Variants in MAPKBP1 observed in about 807,000 individuals in gnomAD.
MAPKBP1 encodes mitogen-activated protein kinase-binding protein 1.
Under a neutral mutation model 170.5 loss-of-function variants are expected in MAPKBP1, and 71 were observed. The observed-to-expected ratio is 0.42, with a 90% CI of 0.34 to 0.51. The LOEUF is 0.51. Among genes scored for constraint, MAPKBP1 ranks in the 20% least tolerant of loss-of-function variants. The pLI, the probability that MAPKBP1 is intolerant of heterozygous loss-of-function variation, is 0.06. For missense variants in MAPKBP1, 1,598 were observed against 1,933.0 expected (o/e 0.83, Z 3.25); for synonymous variants, 719 against 757.9 (o/e 0.95, Z 0.84).
chr15:41,819,133 CT>C (rs1418327829), intron 20 of MAPKBP1, 112 bp from the exon 21 acceptor site: 5 of 1,449,272 alleles, frequency 3.5e-6, no homozygotes, highest in East Asian at 4.6e-5. Context: ...TCCTCTCCCC[CT>C]ATTGAGTCTC....
intron 3 of MAPKBP1, among the ~76,000 whole-genome samples, chr15:41,809,845 G>GAGGC (rs771601701): frequency 1.3e-5 from 2 of 152,244 alleles, no homozygotes; most frequent in Non-Finnish European, 2.9e-5. Context: ...CCTTCTCTGT[G>GAGGC]AGGCAGGCAG....
intron 2 of MAPKBP1, among the ~76,000 whole-genome samples, chr15:41,790,873 T>C (rs2064384289): frequency 6.6e-6 from 1 of 152,204 alleles, no homozygotes; most frequent in Non-Finnish European, 1.5e-5. Context: ...TTCCTCCCCA[T>C]TCCCAGGTCT....
chr15:41,813,411 C>T, intron 8 of MAPKBP1: 1 of 1,495,296 alleles, frequency 6.7e-7, no homozygotes, highest in Non-Finnish European at 9.3e-7. Context: ...TGGGCTTTTC[C>T]TACTGGATCC....
chr15:41,778,137 C>G (rs2064127878), intron 2 of MAPKBP1, among the ~76,000 whole-genome samples: 3 of 151,986 alleles, frequency 2.0e-5, no homozygotes, highest in South Asian at 4.2e-4. Context: ...TACATCACAC[C>G]GTTTAGGACA....
intron 27 of MAPKBP1, 95 bp downstream of exon 27, chr15:41,822,772 G>C (rs1207756545): frequency 2.4e-5 from 36 of 1,510,946 alleles, no homozygotes; most frequent in Non-Finnish European, 3.1e-5. Flanking sequence ...CTCTCCATGC[G>C]CGGGGTGTTT....
chr15:41,821,174 C>T, intron 23 of MAPKBP1, 106 bp downstream of exon 23: 2 of 1,082,664 alleles, frequency 1.8e-6, no homozygotes, highest in South Asian at 1.4e-5. Context: ...TGCTCTGCCC[C>T]TGTGGCACAT....
chr15:41,785,227 C>T (rs933856359), intron 2 of MAPKBP1, among the ~76,000 whole-genome samples: 1 of 152,186 alleles, frequency 6.6e-6, no homozygotes, highest in African/African-American at 2.4e-5. Context: ...CTCGCCTCTT[C>T]TGTTCCAACA....
In MAPKBP1 at chr15:41,819,547, C is replaced by CAG. The variant is rs765528665; in HGVS notation, c.2426-48_2426-47insAG. ...GGGCCAGGGCTCCAGGGTTGGGTGG[C>CAG]GGGGGGGGGGCAGGAGACACTTCCT... On this transcript the variant is annotated intron_variant, in intron 21 of 30. Transcript: ENST00000457542. 3,375 of 1,232,472 alleles carry CAG rather than the reference C, an allele frequency of 2.7e-3. 50 individuals are homozygous for CAG. Among genetic ancestry groups the CAG allele is most frequent in the East Asian group, 8.0e-3 (283 of 35,196 alleles). The allele number at this position is 1,232,472 out of a possible 1,614,324, so 76.3% of individuals were successfully genotyped here. A position where few individuals can be genotyped will look rare whatever the true frequency, so the allele number is the denominator to read the frequency against.
rs1278487201 is a variant in MAPKBP1 at position 41,817,455 on chromosome 15, G to A, written c.1779G>A (p.Gln593=). 6.4e-7 allele frequency: 1 copy of A among 1,558,068 alleles called. No homozygotes were observed. The highest frequency in any genetic ancestry group is 8.7e-7 in the Non-Finnish European group (1 of 1,143,536). Reference sequence around the variant, plus strand: ...AGAGCATCTACTTCCGCACTGCGCAGAAGGTGAGGGCGCTGGGCTTTCCTG... The same window carrying A: ...AGAGCATCTACTTCCGCACTGCGCAAAAGGTGAGGGCGCTGGGCTTTCCTG... ...ADKSIYFRTA[Q]KSGDGVQFTR... Residue 593 remains glutamine, a synonymous_variant, in exon 15 of 31, where the codon CAG becomes CAA. Coordinates refer to ENST00000457542, the MANE Select transcript of MAPKBP1 (RefSeq NM_014994.3). This position sits in a 1 kb window ranked among gnomAD's most constrained non-coding sequence, Gnocchi z 4.2.
At chr15:41,819,080 C>A in intron 20 of MAPKBP1, 123 bp downstream of exon 20, 1 of 1,490,580 alleles carries the variant, frequency 6.7e-7, no homozygotes. Context: ...CCTTACCTCT[C>A]ACACAAGGAT....
At chr15:41,781,801 G>A (rs964540043) in intron 2 of MAPKBP1, among the ~76,000 whole-genome samples, 2 of 151,986 alleles carry the variant, frequency 1.3e-5, no homozygotes, top group African/African-American at 4.8e-5. Context: ...AGTTTATTTG[G>A]TGGTTCAGGA....
At chr15:41,795,241 G>C (rs764515245) in intron 2 of MAPKBP1, among the ~76,000 whole-genome samples, 1 of 151,850 alleles carries the variant, frequency 6.6e-6, no homozygotes, top group Non-Finnish European at 1.5e-5. Context: ...TGGCAGTAAA[G>C]CTAGTCTGGA....
intron 2 of MAPKBP1, among the ~76,000 whole-genome samples, chr15:41,776,539 C>T (rs140137359): frequency 6.6e-6 from 1 of 152,320 alleles, no homozygotes; most frequent in African/African-American, 2.4e-5. Flanking sequence ...GTCTCTTATT[C>T]ATCATTGTTT....
rs557129899 is a variant in MAPKBP1, at chr15:41,798,046, C to A, written c.115-1777C>A. 1.6e-3 allele frequency among the ~76,000 whole-genome samples: 243 copies of A among 151,644 alleles called. 3 individuals carry two copies. Among genetic ancestry groups the A allele is most frequent in the African/African-American group, 5.6e-3 (232 of 41,404 alleles). ...CGGGCGGATCACGAGGTCAGGAGAT[C>A]GAGACCATCCTGGCTAACATGGTGA... On this transcript the variant is annotated intron_variant, in intron 2 of 30. Transcript: ENST00000457542.
Position 41,817,132 on chromosome 15 carries a change from T to G in MAPKBP1, c.1711+97T>G. On this transcript the variant is annotated intron_variant, in intron 14 of 30. Transcript: ENST00000457542. The surrounding 1 kb of genome is among the most constrained non-coding windows in gnomAD (Gnocchi z 4.2). Reference sequence around the variant, plus strand: ...GAAGGGTCTGCCCATTGTGGGGGAGTGTTGGACAGCAGCTGGGAGGCCTGG... The same window carrying G: ...GAAGGGTCTGCCCATTGTGGGGGAGGGTTGGACAGCAGCTGGGAGGCCTGG... The G allele has an allele frequency of 6.6e-7, 1 of 1,505,012 alleles. No individual in the cohort carries two copies. Among genetic ancestry groups the G allele is most frequent in the Non-Finnish European group, 8.9e-7 (1 of 1,123,572 alleles). 93.2% of individuals were successfully genotyped at this position (1,505,012 alleles called of 1,614,324 possible).
Position 41,826,690 on chromosome 15 carries a change from AGTTT to A in MAPKBP1, c.*1256_*1259del, listed in dbSNP as rs1454189246. ...CACCCACGGGTGTGCTGGATACTGG[AGTTT>A]GAGAGGAGGGAGGTGCTGGGGCCAA... On this transcript the variant is annotated 3_prime_UTR_variant, in exon 31 of 31. Transcript: ENST00000457542. 2.0e-5 allele frequency: 3 copies of A among 151,824 alleles called. No individual in the cohort carries two copies. The highest frequency in any genetic ancestry group is 7.3e-5 in the African/African-American group (3 of 41,220). The allele number at this position is 151,824 out of a possible 1,614,324, so 9.4% of individuals were successfully genotyped here. A position where few individuals can be genotyped will look rare whatever the true frequency, so the allele number is the denominator to read the frequency against.
chr15:41,824,190 C>T, intron 29 of MAPKBP1, 129 bp downstream of exon 29: 22 of 1,301,812 alleles, frequency 1.7e-5, no homozygotes, highest in South Asian at 2.9e-5. Context: ...CTGCTCCTGT[C>T]GCAGGTCCGT....
At chr15:41,782,803 A>G (rs2064213569) in intron 2 of MAPKBP1, among the ~76,000 whole-genome samples, 1 of 152,282 alleles carries the variant, frequency 6.6e-6, no homozygotes, top group Non-Finnish European at 1.5e-5. Context: ...GGGAAAAAAA[A>G]GGGACAGTTC....
intron 12 of MAPKBP1, chr15:41,816,324 T>C: frequency 1.8e-6 from 1 of 553,070 alleles, no homozygotes; most frequent in Non-Finnish European, 3.2e-6. Context: ...ATTAATAGTA[T>C]TATACCAACA....
Sources: allele counts gnomAD v4.1 joint callset (sites outside exome capture counted in the v4.1 genomes callset), GRCh38; gene constraint gnomAD v4.1.1; non-coding constraint Gnocchi (gnomAD v3.1); transcripts MANE v1.5; gene names NCBI Gene and HGNC (gene_info 2026-07-23, HGNC 2026-07-21).